Variants in SEMA5A observed in about 807,000 individuals in gnomAD.
SEMA5A encodes semaphorin 5A.
Under a neutral mutation model 135.5 loss-of-function variants are expected in SEMA5A, and 55 were observed. The observed-to-expected ratio is 0.41, with a 90% CI of 0.33 to 0.51. The LOEUF is 0.51. Ranked by LOEUF, SEMA5A falls within the 20% of genes least tolerant of loss-of-function variation. The pLI is 0.37. For synonymous variants in SEMA5A, 580 were observed against 546.5 expected (o/e 1.06, Z -0.85); for missense variants, 1,290 against 1,419.9 (o/e 0.91, Z 1.47).
chr5:9,051,746 C>A (rs1381654168), intron 20 of SEMA5A, 127 bp downstream of exon 20: 30 of 1,162,914 alleles, frequency 2.6e-5, no homozygotes, highest in Admixed American at 4.3e-5. Flanking sequence ...CACCTTGAAA[C>A]CATGGGGCTT....
chr5:9,225,059 T>C (rs553099685), intron 7 of SEMA5A, among the ~76,000 whole-genome samples, 172 bp from the exon 8 acceptor site: 2 of 152,250 alleles, frequency 1.3e-5, no homozygotes, highest in South Asian at 4.2e-4. Context: ...CCTACTCTGC[T>C]CATGGTAAGA....
intron 3 of SEMA5A, among the ~76,000 whole-genome samples, chr5:9,356,122 G>A (rs1208834088): frequency 2.0e-5 from 3 of 152,180 alleles, no homozygotes; most frequent in Non-Finnish European, 4.4e-5. Flanking sequence ...AGTGAGAGCT[G>A]ATAGCCCCAG....
At chr5:9,294,042 TTTAA>T (rs1751212741) in intron 5 of SEMA5A, among the ~76,000 whole-genome samples, 1 of 152,168 alleles carries the variant, frequency 6.6e-6, no homozygotes, top group Non-Finnish European at 1.5e-5. Flanking sequence ...CACATTACAT[TTTAA>T]TTAATCATTT....
chr5:9,526,184 T>C (rs1051312331), intron 1 of SEMA5A, among the ~76,000 whole-genome samples: 1 of 152,242 alleles, frequency 6.6e-6, no homozygotes, highest in Non-Finnish European at 1.5e-5. Flanking sequence ...CAGGGATTTA[T>C]AAATATTGAA....
At chr5:9,228,376 A>G (rs1049862805) in intron 6 of SEMA5A, among the ~76,000 whole-genome samples, 1 of 152,206 alleles carries the variant, frequency 6.6e-6, no homozygotes, top group Non-Finnish European at 1.5e-5. Flanking sequence ...ACTCAAGAGG[A>G]GCAGACTGTG....
chr5:9,470,498 A>G (rs995091519), intron 1 of SEMA5A, among the ~76,000 whole-genome samples: 7 of 152,218 alleles, frequency 4.6e-5, no homozygotes, highest in African/African-American at 1.2e-4. Context: ...AAGGGTAACA[A>G]TGTCTATCAC....
At chr5:9,481,636 C>T (rs779787543) in intron 1 of SEMA5A, among the ~76,000 whole-genome samples, 18 of 152,158 alleles carry the variant, frequency 1.2e-4, no homozygotes, top group African/African-American at 4.3e-4. Context: ...ATATATTTTA[C>T]TTCCTTTTCC....
chr5:9,061,207 T>C (rs1263166347), intron 18 of SEMA5A, among the ~76,000 whole-genome samples: 1 of 152,108 alleles, frequency 6.6e-6, no homozygotes, highest in East Asian at 1.9e-4. Flanking sequence ...AGTTTCTTTC[T>C]GACCTGGATC....
chr5:9,153,614 G>C lies in SEMA5A; in HGVS notation c.1481+874C>G, dbSNP rs558219182. On this transcript the variant is annotated intron_variant, in intron 12 of 22. Coordinates refer to ENST00000382496, the MANE Select transcript of SEMA5A (RefSeq NM_003966.3). ...GTGCCAAGGACAGTGGCGGGGGAGG[G>C]GGGGGTGTCCCGGAAAGTGGGTGCC... Among the ~76,000 whole-genome samples, 5 of 151,988 alleles carry C rather than the reference G, an allele frequency of 3.3e-5. No homozygotes were observed. In the South Asian group the frequency reaches 8.4e-4, roughly 25 times the overall value.
rs145851419 is a variant in SEMA5A, at chr5:9,405,591, G to C, written c.-77-25568C>G. On this transcript the variant is annotated intron_variant, in intron 2 of 22. Coordinates refer to ENST00000382496, the MANE Select transcript of SEMA5A (RefSeq NM_003966.3). ...TGGCAAAGTAACTTCAGCCCCATGA[G>C]GTGCTGTTTCTCTGTGGGTAAATAA... Among the ~76,000 whole-genome samples the C allele has an allele frequency of 1.9e-3, 282 of 152,210 alleles. 1 individual carries two copies. Among genetic ancestry groups the C allele is most frequent in the African/African-American group, 6.6e-3 (273 of 41,540 alleles).
chr5:9,336,346 A>G (rs947696108), intron 4 of SEMA5A, among the ~76,000 whole-genome samples: 2 of 152,296 alleles, frequency 1.3e-5, no homozygotes, highest in Admixed American at 1.3e-4. Flanking sequence ...CTTATATCCA[A>G]TGGGAGCTAC....
chr5:9,424,054 T>A (rs2126638045), intron 2 of SEMA5A, among the ~76,000 whole-genome samples: 1 of 152,264 alleles, frequency 6.6e-6, no homozygotes, highest in East Asian at 1.9e-4. Flanking sequence ...AGCAATTTGA[T>A]AACTAAGAAA....
chr5:9,122,597 T>G, intron 14 of SEMA5A, 59 bp downstream of exon 14: 1 of 1,418,476 alleles, frequency 7.0e-7, no homozygotes, highest in Non-Finnish European at 9.3e-7. Flanking sequence ...TGTCCCAAAC[T>G]CCTCGAGAAT....
chr5:9,063,590 G>A (rs1245030301), intron 17 of SEMA5A, among the ~76,000 whole-genome samples: 1 of 152,192 alleles, frequency 6.6e-6, no homozygotes, highest in East Asian at 1.9e-4. Context: ...AATTAATGCT[G>A]GTAAAAGGGG....
intron 12 of SEMA5A, among the ~76,000 whole-genome samples, chr5:9,153,297 C>T (rs568619714): frequency 6.6e-6 from 1 of 152,286 alleles, no homozygotes; most frequent in South Asian, 2.1e-4. Context: ...TCTGATTTCC[C>T]CAAGGGCGAT....
At chr5:9,154,844 C>A in intron 11 of SEMA5A, 149 bp from the exon 12 acceptor site, 1 of 670,948 alleles carries the variant, frequency 1.5e-6, no homozygotes, top group Non-Finnish European at 2.6e-6. Flanking sequence ...ACCTGGACAC[C>A]ACTGCAGACC....
chr5:9,272,115 C>T (rs887660411), intron 5 of SEMA5A, among the ~76,000 whole-genome samples: 5 of 152,050 alleles, frequency 3.3e-5, no homozygotes, highest in Admixed American at 3.3e-4. Flanking sequence ...GATCTACTGG[C>T]TGGAAATTTT....
intron 2 of SEMA5A, among the ~76,000 whole-genome samples, chr5:9,383,251 G>A (rs1755692450): frequency 6.6e-6 from 1 of 152,222 alleles, no homozygotes; most frequent in South Asian, 2.1e-4. Context: ...TGAGCTTCCT[G>A]ATCTGAGACT....
At position 9,292,309 on chromosome 5, in the gene SEMA5A, A is replaced by G. The variant is rs185910399; in HGVS notation, c.270+26063T>C. Among the ~76,000 whole-genome samples, 404 of 152,312 alleles carry G rather than the reference A, an allele frequency of 2.7e-3. 1 individual carries two copies. The highest frequency in any genetic ancestry group is 9.4e-3 in the African/African-American group (392 of 41,572). On this transcript the variant is annotated intron_variant, in intron 5 of 22. Transcript: ENST00000382496. ...TTACCAGTATATACTTGATTTATAA[A>G]ATTCACAGTTATAACAATATGTTAA...
Sources: allele counts gnomAD v4.1 joint callset (sites outside exome capture counted in the v4.1 genomes callset), GRCh38; gene constraint gnomAD v4.1.1; transcripts MANE v1.5; gene names NCBI Gene and HGNC (gene_info 2026-07-23, HGNC 2026-07-21).